SHANK2: variants seen among roughly 807,000 people sequenced by gnomAD.
The protein encoded by SHANK2 is SH3 and multiple ankyrin repeat domains protein 2.
In SHANK2, 43 loss-of-function variants were observed where a neutral mutation model predicts 133.7. That is an observed-to-expected ratio of 0.32 (90% CI 0.25 to 0.41). The LOEUF (loss-of-function observed/expected upper bound fraction) is 0.41. Among genes scored for constraint, SHANK2 ranks in the 10% least tolerant of loss-of-function variants. The pLI is 1.00. For missense variants in SHANK2, 1,994 were observed against 2,235.8 expected (o/e 0.89, Z 2.18); for synonymous variants, 1,017 against 952.8 (o/e 1.07, Z -1.24).
chr11:70,920,311 C>A (rs1555080509), intron 10 of SHANK2, among the ~76,000 whole-genome samples: 1 of 152,094 alleles, frequency 6.6e-6, no homozygotes. Flanking sequence ...CCAGGCTGGT[C>A]TCAAACTCTA....
intron 17 of SHANK2, among the ~76,000 whole-genome samples, chr11:70,641,243 ATG>A (rs2061176666): frequency 6.6e-6 from 1 of 151,868 alleles, no homozygotes; most frequent in Non-Finnish European, 1.5e-5. Flanking sequence ...CTACAGGCGC[ATG>A]CCACCACGCC....
At chr11:70,492,663 C>T (rs1555156208) in intron 21 of SHANK2, among the ~76,000 whole-genome samples, 198 bp from the exon 22 acceptor site, 6 of 152,194 alleles carry the variant, frequency 3.9e-5, no homozygotes, top group African/African-American at 1.4e-4. Context: ...GGACCTTGCC[C>T]TCGGAGGCAT....
intron 14 of SHANK2, among the ~76,000 whole-genome samples, chr11:70,764,294 C>T (rs369552441): frequency 2.7e-5 from 4 of 149,566 alleles, no homozygotes; most frequent in East Asian, 2.0e-4. Context: ...TCCATTCACA[C>T]ATCATTCCAT....
intron 17 of SHANK2, among the ~76,000 whole-genome samples, chr11:70,609,070 C>G (rs1342346513): frequency 6.6e-6 from 1 of 152,216 alleles, no homozygotes; most frequent in African/African-American, 2.4e-5. Flanking sequence ...GAGGGCCCAG[C>G]CACGTGGAGC....
chr11:71,108,713 C>A (rs61887383), intron 6 of SHANK2, among the ~76,000 whole-genome samples: 2,066 of 152,348 alleles, frequency 0.014, 14 homozygotes, highest in Non-Finnish European at 0.023. Flanking sequence ...CACCTTCCTT[C>A]TTTCCCCCTA....
At chr11:70,570,150 C>A (rs190668328) in intron 17 of SHANK2, among the ~76,000 whole-genome samples, 78 of 152,324 alleles carry the variant, frequency 5.1e-4, no homozygotes, top group African/African-American at 1.9e-3. Flanking sequence ...CAAGAGGGAA[C>A]TTCTGTGGCT....
At chr11:70,808,381 T>C (rs571351044) in intron 12 of SHANK2, among the ~76,000 whole-genome samples, 3 of 151,958 alleles carry the variant, frequency 2.0e-5, no homozygotes, top group East Asian at 3.9e-4. Flanking sequence ...TTTGTATTTT[T>C]AGTAGAGATG....
At position 70,473,703 on chromosome 11, in the gene SHANK2, G is replaced by A. The variant is rs2058627016; in HGVS notation, c.4980-264C>T. 3.6e-6 allele frequency: 2 copies of A among 550,556 alleles called. No individual in the cohort carries two copies. The highest frequency in any genetic ancestry group is 3.7e-5 in the South Asian group (2 of 54,574). 34.1% of individuals were successfully genotyped at this position (550,556 alleles called of 1,614,324 possible). ...CAGAGGGGCTGGGGGACCTGCCTGT[G>A]CTGGGGGGAGCACACCACGTCAGCC... On this transcript the variant is annotated intron_variant, in intron 25 of 25. Coordinates refer to ENST00000601538, the MANE Select transcript of SHANK2 (RefSeq NM_012309.5). This position sits in a 1 kb window ranked among gnomAD's most constrained non-coding sequence, Gnocchi z 5.9.
At chr11:71,207,339 C>T (rs1432093928) in intron 2 of SHANK2, among the ~76,000 whole-genome samples, 1 of 152,070 alleles carries the variant, frequency 6.6e-6, no homozygotes, top group Non-Finnish European at 1.5e-5. Context: ...GCTACCACAC[C>T]CAGCTAATTT....
chr11:70,855,204 C>A (rs1240634879), intron 11 of SHANK2, among the ~76,000 whole-genome samples: 1 of 152,244 alleles, frequency 6.6e-6, no homozygotes, highest in Non-Finnish European at 1.5e-5. Flanking sequence ...ACGTTCTCCT[C>A]CCTCATCCAA....
intron 14 of SHANK2, among the ~76,000 whole-genome samples, chr11:70,736,417 T>G (rs1049565150): frequency 5.9e-5 from 9 of 152,140 alleles, no homozygotes; most frequent in Non-Finnish European, 8.8e-5. Context: ...GATGAGGAGA[T>G]CACCCTGGAT....
intron 11 of SHANK2, among the ~76,000 whole-genome samples, chr11:70,843,144 CA>C (rs1271076895): frequency 1.3e-5 from 2 of 151,496 alleles, no homozygotes; most frequent in East Asian, 3.9e-4. Context: ...GTCATGGGGT[CA>C]GGGAGCAGAG....
chr11:71,153,020 A>T (rs1231165352), intron 2 of SHANK2, among the ~76,000 whole-genome samples: 1 of 151,528 alleles, frequency 6.6e-6, no homozygotes, highest in Non-Finnish European at 1.5e-5. Flanking sequence ...ATACTAAAAA[A>T]CTCTCTGCTG....
chr11:71,181,118 G>A (rs1439643988), intron 2 of SHANK2, among the ~76,000 whole-genome samples: 1 of 152,100 alleles, frequency 6.6e-6, no homozygotes, highest in African/African-American at 2.4e-5. Context: ...CTGACGAGGG[G>A]AGGTCTGGAG....
At chr11:70,765,404 C>T (rs1947097322) in intron 14 of SHANK2, among the ~76,000 whole-genome samples, 2 of 152,162 alleles carry the variant, frequency 1.3e-5, no homozygotes, top group African/African-American at 2.4e-5. Flanking sequence ...CAGCAGAATG[C>T]TAGCCTGGTG....
chr11:70,621,905 C>T (rs1214916521), intron 17 of SHANK2, among the ~76,000 whole-genome samples: 1 of 152,166 alleles, frequency 6.6e-6, no homozygotes, highest in Non-Finnish European at 1.5e-5. Context: ...CCTGCACACC[C>T]CCAGGCCTGG....
intron 17 of SHANK2, among the ~76,000 whole-genome samples, chr11:70,598,126 G>A (rs776402247): frequency 2.0e-5 from 3 of 152,202 alleles, no homozygotes; most frequent in Admixed American, 6.5e-5. Flanking sequence ...GAGCCAGCAG[G>A]GGAACGTGCC....
chr11:70,504,098 G>A (rs1483987434), intron 17 of SHANK2, among the ~76,000 whole-genome samples: 1 of 152,206 alleles, frequency 6.6e-6, no homozygotes, highest in African/African-American at 2.4e-5. Context: ...TGCTTCACAC[G>A]CCACCTTCGA....
chr11:70,694,734 C>T (rs944653754), intron 15 of SHANK2, among the ~76,000 whole-genome samples: 38 of 152,226 alleles, frequency 2.5e-4, no homozygotes, highest in African/African-American at 8.4e-4. Context: ...TCCACACCCA[C>T]TCCAGAGTTA....
Sources: allele counts gnomAD v4.1 joint callset (sites outside exome capture counted in the v4.1 genomes callset), GRCh38; gene constraint gnomAD v4.1.1; non-coding constraint Gnocchi (gnomAD v3.1); transcripts MANE v1.5; gene names NCBI Gene and HGNC (gene_info 2026-07-23, HGNC 2026-07-21).